ZSWIM3: variants seen among roughly 807,000 people sequenced by gnomAD.
ZSWIM3 encodes the protein zinc finger SWIM-type containing 3, also known as zinc finger SWIM domain-containing protein 3.
Under a neutral mutation model 47.5 loss-of-function variants are expected in ZSWIM3, and 27 were observed. The observed-to-expected ratio is 0.57, with a 90% CI of 0.42 to 0.78. The LOEUF is 0.78. Ranked by LOEUF, ZSWIM3 falls within the 30% of genes least tolerant of loss-of-function variation. The probability of loss-of-function intolerance (pLI) is 0.00; values close to 1 mark genes in which losing one functional copy is unlikely to be tolerated. For synonymous variants in ZSWIM3, 333 were observed against 333.9 expected (o/e 1.00, Z 0.03); for missense variants, 689 against 861.3 (o/e 0.80, Z 2.50).
chr20:45,867,608 G>A (rs944402196), intron 1 of ZSWIM3, among the ~76,000 whole-genome samples: 1 of 152,216 alleles, frequency 6.6e-6, no homozygotes, highest in African/African-American at 2.4e-5. Flanking sequence ...CTATGTGGCT[G>A]TGGGCAGTTG....
At position 45,857,748 on chromosome 20, in the gene ZSWIM3, A is replaced by G. The variant is rs1206002935; in HGVS notation, c.-78A>G. ...GGCCCACGCCTGCCTATAAACCCTC[A>G]TAGTGTGACCTTTGACCCCTGGTGT... On this transcript the variant is annotated 5_prime_UTR_variant, in exon 1 of 2. Coordinates refer to ENST00000255152, the MANE Select transcript of ZSWIM3 (RefSeq NM_080752.4). 4.5e-6 allele frequency: 7 copies of G among 1,545,398 alleles called. No homozygotes were observed. In the Admixed American group the frequency reaches 5.7e-5, roughly 13 times the overall value.
chr20:45,878,171 A>G lies in ZSWIM3; in HGVS notation c.1613A>G (p.Asp538Gly). 2 of 1,613,840 alleles carry G rather than the reference A, an allele frequency of 1.2e-6. No individual in the cohort carries two copies. Among genetic ancestry groups the G allele is most frequent in the Non-Finnish European group, 1.7e-6 (2 of 1,179,952 alleles). ...TCAGTGGACGTTCAGCTGCTAGAGGACTCTCACCAGGTTAGCAAAGATGGC... is the reference window on the plus strand; with the variant it reads ...TCAGTGGACGTTCAGCTGCTAGAGGGCTCTCACCAGGTTAGCAAAGATGGC... ...GSSVDVQLLE[D>G]SHQVSKDGCS... Residue 538 changes from aspartate to glycine, a missense_variant, in exon 2 of 2, where the codon GAC becomes GGC. By Grantham distance (94) the Asp-to-Gly change is moderately conservative. Transcript: ENST00000255152.
chr20:45,858,122 T>C, intron 1 of ZSWIM3, 142 bp downstream of exon 1: 3 of 889,738 alleles, frequency 3.4e-6, no homozygotes, highest in Non-Finnish European at 3.4e-6. Context: ...GAGCACCTGC[T>C]GTGTGCCTTG....
rs1196124231 is a variant in ZSWIM3 at position 45,870,281 on chromosome 20, A to T, written c.156-6433A>T. ...CTTGAACCCGGGAGGCGGAGGTTGC[A>T]GTGAGCCAAGACCGTGCCAGTGCAT... On this transcript the variant is annotated intron_variant, in intron 1 of 1. Coordinates refer to ENST00000255152, the MANE Select transcript of ZSWIM3 (RefSeq NM_080752.4). Among the ~76,000 whole-genome samples the T allele has an allele frequency of 5.9e-5, 9 of 151,978 alleles. No homozygotes were observed. The East Asian group carries it at 1.6e-3, about 26-fold the overall frequency.
rs747145684 is a variant in ZSWIM3 at position 45,878,655 on chromosome 20, T to C, written c.*6T>C. The C allele has an allele frequency of 1.3e-6, 2 of 1,597,176 alleles. No individual in the cohort carries two copies. Among genetic ancestry groups the C allele is most frequent in the Non-Finnish European group, 1.7e-6 (2 of 1,168,618 alleles). On this transcript the variant is annotated 3_prime_UTR_variant, in exon 2 of 2. Transcript: ENST00000255152. ...CAGCTGTGATGCATTATTGAAGCAC[T>C]TTAGCTGAAGCATTGGACCACAAAC...
chr20:45,876,039 G>A (rs1478536260), intron 1 of ZSWIM3, among the ~76,000 whole-genome samples: 1 of 149,112 alleles, frequency 6.7e-6, no homozygotes, highest in Non-Finnish European at 1.5e-5. Flanking sequence ...TTGTTTTTTT[G>A]TTTTTTTGTT....
intron 1 of ZSWIM3, among the ~76,000 whole-genome samples, chr20:45,860,304 C>T (rs1304340736): frequency 6.6e-6 from 1 of 151,996 alleles, no homozygotes; most frequent in African/African-American, 2.4e-5. Context: ...CACTTGAGGT[C>T]AGCAGTTCAA....
At chr20:45,876,024 GTTTTTTGT>G (rs141851265) in intron 1 of ZSWIM3, among the ~76,000 whole-genome samples, 87,540 of 148,530 alleles carry the variant, frequency 0.59, 25,968 homozygotes, top group Admixed American at 0.66. Flanking sequence ...CTGTTTGTTT[GTTTTTTGT>G]TTTTTTGTTT....
At chr20:45,872,806 C>T in intron 1 of ZSWIM3, 1 of 1,289,100 alleles carries the variant, frequency 7.8e-7, no homozygotes, top group South Asian at 1.2e-5. Context: ...GGCACCACCC[C>T]CGCACTGTGC....
At chr20:45,872,822 A>C in intron 1 of ZSWIM3, 1 of 1,285,208 alleles carries the variant, frequency 7.8e-7, no homozygotes, top group South Asian at 1.2e-5. Flanking sequence ...TGTGCACACA[A>C]TAGGTACAGA....
rs1400234932 is a variant in ZSWIM3 at position 45,877,108 on chromosome 20, G to T, written c.550G>T (p.Val184Leu). Reference sequence around the variant, plus strand: ...AAAAGTGATGAAGAACTTTCTTAAGGTAGATGAGGGTTCCATGGCTTCCTT... The same window carrying T: ...AAAAGTGATGAAGAACTTTCTTAAGTTAGATGAGGGTTCCATGGCTTCCTT... ...IAKVMKNFLKVDEGSMASFSV... is the reference protein window; with the variant it reads ...IAKVMKNFLKLDEGSMASFSV... The change falls in exon 2 of 2, where the codon GTA becomes TTA. Residue 184 changes from valine (V) to leucine (L), a missense_variant. Coordinates refer to ENST00000255152, the MANE Select transcript of ZSWIM3 (RefSeq NM_080752.4). The T allele has an allele frequency of 1.2e-6, 2 of 1,614,048 alleles. No individual in the cohort carries two copies. Among genetic ancestry groups the T allele is most frequent in the African/African-American group, 2.7e-5 (2 of 74,920 alleles).
intron 1 of ZSWIM3, among the ~76,000 whole-genome samples, chr20:45,876,128 C>T (rs1370132363): frequency 2.1e-5 from 3 of 145,296 alleles, no homozygotes; most frequent in Admixed American, 6.8e-5. Context: ...CTGCAGCCTC[C>T]GCCTCCCGGG....
At position 45,866,249 on chromosome 20, in the gene ZSWIM3, G is replaced by A. The variant is rs575592796; in HGVS notation, c.155+8269G>A. Among the ~76,000 whole-genome samples the A allele has an allele frequency of 8.5e-5, 13 of 152,204 alleles. No homozygotes were observed. The South Asian group carries it at 2.7e-3, about 32-fold the overall frequency. On this transcript the variant is annotated intron_variant, in intron 1 of 1. Transcript: ENST00000255152. ...CCCGGCAGAGGTTGCAGTGAGCTGA[G>A]ATCTCACCACTGCACTCCAGTCTTG...
chr20:45,872,971 A>C, intron 1 of ZSWIM3: 1 of 1,147,758 alleles, frequency 8.7e-7, no homozygotes, highest in Non-Finnish European at 1.1e-6. Context: ...TTTCTAGGCT[A>C]TGCCACGTCA....
chr20:45,873,024 C>A (rs1204177780), intron 1 of ZSWIM3, among the ~76,000 whole-genome samples: 1 of 152,170 alleles, frequency 6.6e-6, no homozygotes, highest in Non-Finnish European at 1.5e-5. Flanking sequence ...GGTCTTTGGG[C>A]TGGGGCACTC....
chr20:45,877,744 G>C lies in ZSWIM3; in HGVS notation c.1186G>C (p.Asp396His). ...GTGTAACACCTACATGGACAGCCTA[G>C]ACATTGTCACCAGCAAGGTGTCAAG... ...LACNTYMDSL[D>H]IVTSKVSSLF... The change falls in exon 2 of 2, where the codon GAC becomes CAC. Residue 396 changes from aspartate to histidine, a missense_variant. Asp to His is a moderately conservative substitution (Grantham distance 81, BLOSUM62 -1). Transcript: ENST00000255152. The C allele has an allele frequency of 6.2e-7, 1 of 1,614,086 alleles. No individual in the cohort carries two copies. Among genetic ancestry groups the C allele is most frequent in the Non-Finnish European group, 8.5e-7 (1 of 1,179,962 alleles).
chr20:45,877,866 ACCT>A lies in ZSWIM3; in HGVS notation c.1314_1316del (p.Pro439del). The A allele has an allele frequency of 3.1e-6, 5 of 1,613,922 alleles. No individual in the cohort carries two copies. The highest frequency in any genetic ancestry group is 3.4e-6 in the Non-Finnish European group (4 of 1,179,998). On this transcript the variant is annotated inframe_deletion, in exon 2 of 2. Transcript: ENST00000255152. ...CCAAAGGCTTGAAGAACTTGCCCAC[ACCT>A]CCTCCCAAATTAAAGAGAGCTCGGC... is the stretch of plus-strand genomic sequence containing the variant.
intron 1 of ZSWIM3, among the ~76,000 whole-genome samples, chr20:45,875,827 C>G (rs1406016477): frequency 2.0e-5 from 3 of 151,934 alleles, no homozygotes; most frequent in African/African-American, 7.3e-5. Context: ...ATATATGAAT[C>G]CTTTTCTTTT....
At chr20:45,867,954 C>T (rs1373202289) in intron 1 of ZSWIM3, among the ~76,000 whole-genome samples, 2 of 152,094 alleles carry the variant, frequency 1.3e-5, no homozygotes, top group Admixed American at 1.3e-4. Context: ...TCCATGTATC[C>T]ATAGTTACAA....
Sources: allele counts gnomAD v4.1 joint callset (sites outside exome capture counted in the v4.1 genomes callset), GRCh38; gene constraint gnomAD v4.1.1; transcripts MANE v1.5; gene names NCBI Gene and HGNC (gene_info 2026-07-23, HGNC 2026-07-21).